PLCB4: variants seen among roughly 807,000 people sequenced by gnomAD.
PLCB4 encodes the protein phospholipase C beta 4.
In PLCB4, 77 loss-of-function variants were observed where a neutral mutation model predicts 178.8. The observed-to-expected ratio is 0.43, with a 90% CI of 0.36 to 0.52. PLCB4 has a LOEUF of 0.52. Among genes scored for constraint, PLCB4 ranks in the 20% least tolerant of loss-of-function variants. The pLI, the probability that PLCB4 is intolerant of heterozygous loss-of-function variation, is 0.00. For missense variants in PLCB4, 1,024 were observed against 1,453.4 expected, an observed-to-expected ratio of 0.70 and a Z score of 4.80; for synonymous variants, 496 against 490.8, an observed-to-expected ratio of 1.01 and a Z score of -0.14.
chr20:9,161,192 G>A (rs1002444725), intron 2 of PLCB4, among the ~76,000 whole-genome samples: 4 of 152,188 alleles, frequency 2.6e-5, no homozygotes, highest in African/African-American at 9.6e-5. Context: ...CCCATAAACA[G>A]CTGGTACATA....
At chr20:9,428,502 T>A (rs945354184) in intron 28 of PLCB4, among the ~76,000 whole-genome samples, 1 of 151,952 alleles carries the variant, frequency 6.6e-6, no homozygotes, top group Non-Finnish European at 1.5e-5. Flanking sequence ...TTTCCCAATC[T>A]TATTTGACAC....
At chr20:9,137,633 T>C (rs2146850888) in intron 2 of PLCB4, among the ~76,000 whole-genome samples, 1 of 152,048 alleles carries the variant, frequency 6.6e-6, no homozygotes, top group East Asian at 1.9e-4. Context: ...TCTATCCATC[T>C]GGAAATTTCA....
chr20:9,101,082 G>C (rs2091131878), intron 2 of PLCB4, among the ~76,000 whole-genome samples: 1 of 152,118 alleles, frequency 6.6e-6, no homozygotes, highest in South Asian at 2.1e-4. Flanking sequence ...CAGGGACAGA[G>C]GTTGCCTGCT....
At chr20:9,071,748 C>G (rs1350153315) in intron 1 of PLCB4, among the ~76,000 whole-genome samples, 1 of 151,964 alleles carries the variant, frequency 6.6e-6, no homozygotes, top group African/African-American at 2.4e-5. Flanking sequence ...TTTTGGATTT[C>G]TCATGCTCTC....
chr20:9,475,807 A>G (rs998047583), intron 38 of PLCB4, among the ~76,000 whole-genome samples: 4 of 152,210 alleles, frequency 2.6e-5, no homozygotes. Flanking sequence ...CAAAAGATAC[A>G]GTGACTTCAT....
intron 2 of PLCB4, among the ~76,000 whole-genome samples, chr20:9,155,247 A>G (rs750346205): frequency 6.6e-6 from 1 of 152,062 alleles, no homozygotes; most frequent in Non-Finnish European, 1.5e-5. Context: ...TAATGTCTCC[A>G]GCGCCATCCA....
At chr20:9,209,890 G>C (rs1477411994) in intron 2 of PLCB4, among the ~76,000 whole-genome samples, 1 of 150,730 alleles carries the variant, frequency 6.6e-6, no homozygotes, top group East Asian at 2.0e-4. Context: ...CGTGAACCCG[G>C]GAGGCGAAGC....
chr20:9,461,957 G>A (rs965852075), intron 35 of PLCB4, among the ~76,000 whole-genome samples: 2 of 152,146 alleles, frequency 1.3e-5, no homozygotes, highest in Non-Finnish European at 2.9e-5. Flanking sequence ...GCCTCCTCAA[G>A]TGGGTCCCTG....
intron 2 of PLCB4, among the ~76,000 whole-genome samples, chr20:9,127,673 TC>T (rs2092155578): frequency 6.7e-6 from 1 of 148,450 alleles, no homozygotes; most frequent in African/African-American, 2.5e-5. Context: ...TATCTATCTA[TC>T]TATCTATCTA....
chr20:9,465,134 A>T (rs2043678643), intron 35 of PLCB4, among the ~76,000 whole-genome samples: 1 of 152,252 alleles, frequency 6.6e-6, no homozygotes. Flanking sequence ...GGTTCAACAT[A>T]TGCAAATCAA....
At chr20:9,279,631 T>C (rs1447995807) in intron 3 of PLCB4, among the ~76,000 whole-genome samples, 1 of 151,888 alleles carries the variant, frequency 6.6e-6, no homozygotes, top group Non-Finnish European at 1.5e-5. Flanking sequence ...TTCCAAAGAG[T>C]TCATCATCAT....
At chr20:9,144,207 GA>G (rs2092549917) in intron 2 of PLCB4, among the ~76,000 whole-genome samples, 1 of 152,096 alleles carries the variant, frequency 6.6e-6, no homozygotes, top group Admixed American at 6.6e-5. Flanking sequence ...ACTGCTTGGA[GA>G]AGCTGGGCTG....
chr20:9,369,875 A>G (rs774027321), intron 9 of PLCB4, among the ~76,000 whole-genome samples: 7 of 152,316 alleles, frequency 4.6e-5, no homozygotes, highest in Middle Eastern at 3.4e-3. Flanking sequence ...TTCTGTGCTC[A>G]CAGGGGAGGC....
intron 21 of PLCB4, 49 bp from the exon 22 acceptor site, chr20:9,407,868 G>C (rs1486112553): frequency 1.3e-6 from 2 of 1,519,554 alleles, no homozygotes; most frequent in South Asian, 1.3e-5. Context: ...CGTATCCGTG[G>C]GTCCTACTGA....
intron 2 of PLCB4, among the ~76,000 whole-genome samples, chr20:9,172,079 T>C (rs1205945033): frequency 6.6e-6 from 1 of 152,202 alleles, no homozygotes; most frequent in African/African-American, 2.4e-5. Context: ...TCTGGCCATG[T>C]TTCAGTAATA....
Position 9,307,494 on chromosome 20 carries a change from TACACACACACACACACAC to T in PLCB4, c.-15-270_-15-253del, listed in dbSNP as rs745918024. Among the ~76,000 whole-genome samples the T allele has an allele frequency of 9.4e-3, 1,302 of 138,162 alleles. 20 individuals carry two copies. Among genetic ancestry groups the T allele is most frequent in the African/African-American group, 0.03 (1,100 of 36,412 alleles). 90.6% of individuals were successfully genotyped at this position (138,162 alleles called of 152,430 possible). ...GTGCCTTCAGATTTTAAAAAAAGAA[TACACACACACACACACAC>T]ACACACACACACACACACACACACA... is the stretch of plus-strand genomic sequence containing the variant. On this transcript the variant is annotated intron_variant, in intron 3 of 39. Transcript: ENST00000378473.
chr20:9,129,154 C>T (rs2092208978), intron 2 of PLCB4, among the ~76,000 whole-genome samples: 1 of 152,156 alleles, frequency 6.6e-6, no homozygotes, highest in Non-Finnish European at 1.5e-5. Flanking sequence ...TCTCTCTTCA[C>T]ATCCCTGCTT....
At position 9,403,882 on chromosome 20, in the gene PLCB4, G is replaced by C. The variant is rs146190501; in HGVS notation, c.1612-1431G>C. Among the ~76,000 whole-genome samples, 344 of 152,326 alleles carry C rather than the reference G, an allele frequency of 2.3e-3. 2 individuals are homozygous for C. Among genetic ancestry groups the C allele is most frequent in the African/African-American group, 6.9e-3 (287 of 41,590 alleles). The stretch of plus-strand genomic sequence containing the variant: ...TGACTGATTAAGTAAGAAGACTCAA[G>C]AGTGTCCTTTGGGTTGTTAGCATGG... On this transcript the variant is annotated intron_variant, in intron 20 of 39. Coordinates refer to ENST00000378473, the MANE Select transcript of PLCB4 (RefSeq NM_001377142.1).
intron 2 of PLCB4, among the ~76,000 whole-genome samples, chr20:9,201,348 A>T (rs1399686930): frequency 6.6e-6 from 1 of 152,080 alleles, no homozygotes; most frequent in Non-Finnish European, 1.5e-5. Context: ...ATTATCAATA[A>T]TGTAGGATTT....
Sources: allele counts gnomAD v4.1 joint callset (sites outside exome capture counted in the v4.1 genomes callset), GRCh38; gene constraint gnomAD v4.1.1; transcripts MANE v1.5; gene names NCBI Gene and HGNC (gene_info 2026-07-23, HGNC 2026-07-21).